Variants in TRPM3 observed in about 807,000 individuals in gnomAD.
TRPM3 encodes long transient receptor potential channel 3.
In TRPM3, 77 loss-of-function variants were observed where a neutral mutation model predicts 181.2. The ratio of observed to expected loss-of-function variants is 0.42; its 90% CI spans 0.35 to 0.51. The LOEUF is 0.51. Ranked by LOEUF, TRPM3 falls within the 20% of genes least tolerant of loss-of-function variation. The pLI, the probability that TRPM3 is intolerant of heterozygous loss-of-function variation, is 0.01. For missense variants in TRPM3, 1,759 were observed against 2,196.7 expected (o/e 0.80, Z 3.98); for synonymous variants, 745 against 796.4 (o/e 0.94, Z 1.09).
intron 8 of TRPM3, among the ~76,000 whole-genome samples, chr9:70,754,827 G>T (rs1554687677): frequency 6.6e-6 from 1 of 152,118 alleles, no homozygotes; most frequent in Non-Finnish European, 1.5e-5. Context: ...TCCTTGTTTT[G>T]TGTGCTATGC....
rs117999539 is a variant in TRPM3 at position 70,643,071 on chromosome 9, A to G, written c.1346-2411T>C. On this transcript the variant is annotated intron_variant, in intron 9 of 25. Coordinates refer to ENST00000677713, the MANE Select transcript of TRPM3 (RefSeq NM_001366145.2). ...TGGAGTAAATTTATTAGTGTTTACAATGATGAATATCATTTCAGCTCTCAC... is the reference window on the plus strand; with the variant it reads ...TGGAGTAAATTTATTAGTGTTTACAGTGATGAATATCATTTCAGCTCTCAC... Among the ~76,000 whole-genome samples the G allele has an allele frequency of 1.1e-4, 16 of 152,356 alleles. No individual in the cohort carries two copies. The East Asian group carries it at 2.9e-3, about 28-fold the overall frequency.
chr9:70,576,456 T>C (rs753251453), intron 22 of TRPM3, among the ~76,000 whole-genome samples: 8 of 152,082 alleles, frequency 5.3e-5, no homozygotes, highest in Non-Finnish European at 1.2e-4. Context: ...CTTGAGCTGC[T>C]GCTATAGATC....
chr9:71,151,345 G>A (rs1339980489), intron 1 of TRPM3, among the ~76,000 whole-genome samples: 1 of 151,980 alleles, frequency 6.6e-6, no homozygotes, highest in Non-Finnish European at 1.5e-5. Flanking sequence ...AACACAATGA[G>A]AGTTCATAGA....
intron 8 of TRPM3, among the ~76,000 whole-genome samples, chr9:70,751,034 ACTAT>A (rs1484512107): frequency 1.3e-5 from 2 of 152,156 alleles, no homozygotes; most frequent in Non-Finnish European, 2.9e-5. Context: ...AGCAATTGAG[ACTAT>A]CTTACTGAAT....
chr9:70,535,714 C>A lies in TRPM3; in HGVS notation c.*239G>T. On this transcript the variant is annotated 3_prime_UTR_variant, in exon 26 of 26. Transcript: ENST00000677713. ...ACCCTTCCTTCTCCCTCTCTTCCCC[C>A]TCCCTGCCCAGCAAGTGTGAACATG... 1 of 1,436,092 alleles carries A rather than the reference C, an allele frequency of 7.0e-7. No individual in the cohort carries two copies. The highest frequency in any genetic ancestry group is 9.1e-7 in the Non-Finnish European group (1 of 1,101,800). The allele number at this position is 1,436,092 out of a possible 1,614,324, so 89.0% of individuals were successfully genotyped here. A position where few individuals can be genotyped will look rare whatever the true frequency, so the allele number is the denominator to read the frequency against.
chr9:70,967,481 A>C (rs1442918456), intron 1 of TRPM3, among the ~76,000 whole-genome samples: 5 of 152,230 alleles, frequency 3.3e-5, no homozygotes, highest in African/African-American at 1.2e-4. Context: ...GATCCAAAGA[A>C]ATTCTGTGTT....
intron 7 of TRPM3, among the ~76,000 whole-genome samples, chr9:70,769,209 T>A (rs1168807049): frequency 2.6e-5 from 4 of 152,154 alleles, no homozygotes; most frequent in African/African-American, 4.8e-5. Flanking sequence ...ATGGTCTTGC[T>A]CCACAGCTAG....
chr9:71,246,903 G>A (rs770322922), intron 1 of TRPM3, among the ~76,000 whole-genome samples: 14 of 152,136 alleles, frequency 9.2e-5, no homozygotes, highest in Non-Finnish European at 2.1e-4. Flanking sequence ...ATTACTGAAA[G>A]GTTACCTCTC....
chr9:70,754,458 G>A (rs1052031556), intron 8 of TRPM3, among the ~76,000 whole-genome samples: 5 of 152,194 alleles, frequency 3.3e-5, no homozygotes, highest in African/African-American at 1.2e-4. Context: ...CAGGTTTTGA[G>A]TAAGCAGAGG....
intron 1 of TRPM3, among the ~76,000 whole-genome samples, chr9:71,134,760 T>G (rs1424536735): frequency 6.6e-6 from 1 of 152,120 alleles, no homozygotes; most frequent in Non-Finnish European, 1.5e-5. Context: ...ACTGAAGAAA[T>G]GTAACATAGA....
intron 1 of TRPM3, among the ~76,000 whole-genome samples, chr9:71,115,314 G>C (rs540679754): frequency 2.6e-5 from 4 of 152,028 alleles, no homozygotes; most frequent in Non-Finnish European, 5.9e-5. Flanking sequence ...TACCTACTCA[G>C]TCAACACCTC....
At chr9:71,165,080 T>C (rs1407768935) in intron 1 of TRPM3, among the ~76,000 whole-genome samples, 2 of 152,196 alleles carry the variant, frequency 1.3e-5, no homozygotes, top group East Asian at 1.9e-4. Flanking sequence ...CATATGTTTA[T>C]GATAAGGACA....
intron 1 of TRPM3, among the ~76,000 whole-genome samples, chr9:71,006,470 A>G (rs2097674868): frequency 1.3e-5 from 2 of 152,180 alleles, no homozygotes; most frequent in Non-Finnish European, 2.9e-5. Context: ...CTATAATGAT[A>G]CACACATATT....
intron 25 of TRPM3, among the ~76,000 whole-genome samples, chr9:70,542,594 G>A (rs1445780114): frequency 6.6e-6 from 1 of 152,210 alleles, no homozygotes; most frequent in South Asian, 2.1e-4. Context: ...TGGTGGCACA[G>A]AACATTTTGG....
At chr9:71,226,948 TCTC>T (rs1447567025) in intron 1 of TRPM3, among the ~76,000 whole-genome samples, 3 of 151,902 alleles carry the variant, frequency 2.0e-5, no homozygotes, top group South Asian at 4.2e-4. Context: ...ACATTCTTCT[TCTC>T]AGTACATAGA....
chr9:70,647,103 T>C (rs1257752862), intron 9 of TRPM3, among the ~76,000 whole-genome samples: 5 of 152,296 alleles, frequency 3.3e-5, no homozygotes, highest in Middle Eastern at 3.4e-3. Context: ...AGCCAAATTT[T>C]ATTAGACATA....
intron 19 of TRPM3, among the ~76,000 whole-genome samples, chr9:70,607,772 T>C (rs1265295327): frequency 6.6e-6 from 1 of 152,192 alleles, no homozygotes; most frequent in African/African-American, 2.4e-5. Flanking sequence ...TACTATTATT[T>C]CTACTGATTT....
At chr9:71,369,564 C>T (rs1279785158) in intron 1 of TRPM3, among the ~76,000 whole-genome samples, 1 of 152,048 alleles carries the variant, frequency 6.6e-6, no homozygotes, top group Non-Finnish European at 1.5e-5. Flanking sequence ...AGTGCAGTGG[C>T]GCGATCTCAG....
intron 1 of TRPM3, among the ~76,000 whole-genome samples, chr9:70,985,813 T>G (rs561644201): frequency 1.3e-5 from 2 of 152,272 alleles, no homozygotes; most frequent in South Asian, 4.1e-4. Context: ...ATAAAAAGAC[T>G]AACAAAGCCA....
Sources: allele counts gnomAD v4.1 joint callset (sites outside exome capture counted in the v4.1 genomes callset), GRCh38; gene constraint gnomAD v4.1.1; transcripts MANE v1.5; gene names NCBI Gene and HGNC (gene_info 2026-07-23, HGNC 2026-07-21).